CA1: variants seen among roughly 807,000 people sequenced by gnomAD.
The protein encoded by CA1 is carbonic anhydrase 1.
Under a neutral mutation model 28.8 loss-of-function variants are expected in CA1, and 27 were observed. The ratio of observed to expected loss-of-function variants is 0.94; its 90% confidence interval spans 0.69 to 1.29. CA1 has a LOEUF of 1.29. CA1 is among the 50% of genes most tolerant of loss of function. The pLI is 0.00. For synonymous variants in CA1, 121 were observed against 108.8 expected (o/e 1.11, Z -0.70); for missense variants, 335 against 310.5 (o/e 1.08, Z -0.59).
At position 85,328,627 on chromosome 8, in the gene CA1, A is replaced by G. The variant is rs371314891; in HGVS notation, c.719T>C (p.Val240Ala). The G allele has an allele frequency of 1.2e-5, 19 of 1,611,472 alleles. No homozygotes were observed. The highest frequency in any genetic ancestry group is 1.6e-5 in the Non-Finnish European group (19 of 1,178,278). Residue 240 changes from valine (V) to alanine (A), a missense_variant, in exon 8 of 8, where the codon GTC becomes GCC. Coordinates refer to ENST00000523022, the MANE Select transcript of CA1 (RefSeq NM_001128831.4). ...TGGGCGGTTGTTGTGCTGCATGGGG[A>G]CAGCGTTATCACCTTCAACATTTGA... ...LLSNVEGDNAVPMQHNNRPTQ... is the reference protein window; with the variant it reads ...LLSNVEGDNAAPMQHNNRPTQ...
intron 1 of CA1, among the ~76,000 whole-genome samples, chr8:85,352,366 T>C (rs925009449): frequency 3.9e-5 from 6 of 152,094 alleles, no homozygotes; most frequent in Admixed American, 3.3e-4. Flanking sequence ...CTTAAAACCA[T>C]TTGAGGGGGC....
At position 85,344,268 on chromosome 8, in the gene CA1, T is replaced by G. The variant is rs1474173203; in HGVS notation, c.-24-2609A>C. On this transcript the variant is annotated intron_variant, in intron 1 of 7. Coordinates refer to ENST00000523022, the MANE Select transcript of CA1 (RefSeq NM_001128831.4). Reference sequence around the variant, plus strand: ...ATTATATATTATATACAGTATATAATATATAATTATATATTATATACAGTA... The same window carrying G: ...ATTATATATTATATACAGTATATAAGATATAATTATATATTATATACAGTA... Among the ~76,000 whole-genome samples the G allele has an allele frequency of 7.1e-3, 86 of 12,192 alleles. 2 individuals carry two copies. Among genetic ancestry groups the G allele is most frequent in the East Asian group, 0.045 (77 of 1,716 alleles). The allele number at this position is 12,192 out of a possible 152,430, so 8.0% of individuals were successfully genotyped here.
intron 1 of CA1, among the ~76,000 whole-genome samples, chr8:85,355,630 G>T (rs1809577345): frequency 6.7e-6 from 1 of 149,802 alleles, no homozygotes; most frequent in Non-Finnish European, 1.5e-5. Flanking sequence ...TGAACTCCTG[G>T]GCTCCAGGGA....
chr8:85,339,664 CT>C (rs1318110030), intron 2 of CA1, among the ~76,000 whole-genome samples: 1 of 152,186 alleles, frequency 6.6e-6, no homozygotes, highest in East Asian at 1.9e-4. Flanking sequence ...AAAACTAGAC[CT>C]CTTGTGCCAG....
chr8:85,371,402 A>T (rs1365848293), intron 1 of CA1, among the ~76,000 whole-genome samples: 3 of 134,878 alleles, frequency 2.2e-5, no homozygotes, highest in Non-Finnish European at 4.7e-5. Flanking sequence ...AAGTGCACAT[A>T]TTCTCAGGTG....
chr8:85,374,795 T>G (rs918728802), intron 1 of CA1, among the ~76,000 whole-genome samples: 1 of 152,218 alleles, frequency 6.6e-6, no homozygotes, highest in African/African-American at 2.4e-5. Flanking sequence ...CATATTTGTT[T>G]TGGCATAGTG....
At chr8:85,376,456 G>A (rs925568688) in intron 1 of CA1, among the ~76,000 whole-genome samples, 4 of 151,988 alleles carry the variant, frequency 2.6e-5, no homozygotes, top group Non-Finnish European at 5.9e-5. Context: ...GAGGTCAAGA[G>A]ATTGAGACAA....
At chr8:85,368,883 A>G (rs1385446356) in intron 1 of CA1, among the ~76,000 whole-genome samples, 1 of 152,048 alleles carries the variant, frequency 6.6e-6, no homozygotes, top group Non-Finnish European at 1.5e-5. Flanking sequence ...CCAGAAACCA[A>G]ATCAGATTTT....
chr8:85,373,609 TA>T (rs1331986761), intron 1 of CA1: 1 of 152,224 alleles, frequency 6.6e-6, no homozygotes, highest in Non-Finnish European at 1.5e-5. Context: ...ATTTATAATT[TA>T]AACTTTATCA....
intron 1 of CA1, among the ~76,000 whole-genome samples, chr8:85,372,141 C>G (rs555779900): frequency 1.3e-4 from 20 of 151,944 alleles, no homozygotes; most frequent in Admixed American, 1.1e-3. Flanking sequence ...ATTTTACAAG[C>G]GAGGAAACAA....
intron 1 of CA1, among the ~76,000 whole-genome samples, chr8:85,345,382 TTC>T (rs1373585977): frequency 2.0e-5 from 3 of 152,184 alleles, no homozygotes; most frequent in African/African-American, 4.8e-5. Context: ...CATTATATCA[TTC>T]TGTCTTATTT....
chr8:85,331,702 C>T (rs1808412361), intron 6 of CA1, among the ~76,000 whole-genome samples: 2 of 152,118 alleles, frequency 1.3e-5, no homozygotes, highest in Non-Finnish European at 2.9e-5. Context: ...AAGCAATCTA[C>T]CCGCCTCGGC....
Position 85,329,851 on chromosome 8 carries a change from G to A in CA1, c.514-7C>T. 6.4e-7 allele frequency: 1 copy of A among 1,574,110 alleles called. No homozygotes were observed. The highest frequency in any genetic ancestry group is 8.7e-7 in the Non-Finnish European group (1 of 1,155,616). ...TGAATGGGGCTCGTTTGCCCTGGAA[G>A]AAAAGAATACATCATTACAGCATGA... is the stretch of plus-strand genomic sequence containing the variant. On this transcript the variant is annotated splice_region_variant and splice_polypyrimidine_tract_variant and intron_variant, in intron 6 of 7. Coordinates refer to ENST00000523022, the MANE Select transcript of CA1 (RefSeq NM_001128831.4).
chr8:85,363,305 T>G (rs909363300), intron 1 of CA1, among the ~76,000 whole-genome samples: 1 of 152,264 alleles, frequency 6.6e-6, no homozygotes, highest in Non-Finnish European at 1.5e-5. Context: ...ATGCAGGTGA[T>G]AAATGCTGTT....
intron 5 of CA1, 152 bp from the exon 6 acceptor site, chr8:85,332,704 C>T (rs145506072): frequency 2.7e-4 from 176 of 657,482 alleles, no homozygotes; most frequent in African/African-American, 2.6e-3. Context: ...AGCTGTATGT[C>T]TTTGAGGGCC....
intron 1 of CA1, among the ~76,000 whole-genome samples, chr8:85,355,369 T>C (rs141839677): frequency 6.6e-6 from 1 of 152,106 alleles, no homozygotes; most frequent in Non-Finnish European, 1.5e-5. Flanking sequence ...CAACCAAATG[T>C]ACCTATGCAC....
At chr8:85,350,403 G>T (rs371354002) in intron 1 of CA1, among the ~76,000 whole-genome samples, 1 of 152,212 alleles carries the variant, frequency 6.6e-6, no homozygotes, top group East Asian at 1.9e-4. Flanking sequence ...AGGGTTATGA[G>T]TGAAGAGGTG....
chr8:85,337,450 G>C (rs1808709609), intron 3 of CA1, among the ~76,000 whole-genome samples: 1 of 152,102 alleles, frequency 6.6e-6, no homozygotes, highest in Admixed American at 6.6e-5. Flanking sequence ...AAAATCTTTA[G>C]TAGTTTATTT....
Position 85,338,232 on chromosome 8 carries a change from A to G in CA1, c.235+20T>C, listed in dbSNP as rs562668861. The G allele has an allele frequency of 2.5e-5, 40 of 1,598,184 alleles. No homozygotes were observed. The South Asian group carries it at 4.0e-4, about 16-fold the overall frequency. ...CAGTAGACTGTAAGAAAAAAATATCAGAAGGGTCTTTCAGCTCACCTGATC... is the reference window on the plus strand; with the variant it reads ...CAGTAGACTGTAAGAAAAAAATATCGGAAGGGTCTTTCAGCTCACCTGATC... On this transcript the variant is annotated intron_variant, in intron 3 of 7. Transcript: ENST00000523022.
Sources: gnomAD v4.1 joint callset for allele counts (sites outside exome capture counted in the v4.1 genomes callset) on GRCh38, gnomAD v4.1.1 for gene constraint, MANE v1.5 for transcripts, NCBI Gene and HGNC (gene_info 2026-07-23, HGNC 2026-07-21) for gene names.